Variants in ERC2 observed in about 807,000 individuals in gnomAD.
ERC2 encodes ELKS/RAB6-interacting/CAST family member 2.
In ERC2, 42 loss-of-function variants were observed where a neutral mutation model predicts 114.8. That is an observed-to-expected ratio of 0.37 (90% CI 0.29 to 0.47). The LOEUF (loss-of-function observed/expected upper bound fraction) is 0.47. ERC2 is among the 20% of genes least tolerant of loss of function. The pLI, the probability that ERC2 is intolerant of heterozygous loss-of-function variation, is 0.99. For missense variants in ERC2, 939 were observed against 1,150.7 expected (o/e 0.82, Z 2.66); for synonymous variants, 454 against 425.5 (o/e 1.07, Z -0.82).
chr3:55,522,057 T>G (rs1323000698), intron 17 of ERC2, among the ~76,000 whole-genome samples: 2 of 152,258 alleles, frequency 1.3e-5, no homozygotes, highest in East Asian at 3.8e-4. Context: ...ACTATTTATT[T>G]CTTGGCAGAT....
chr3:55,903,346 A>C (rs764134415), intron 13 of ERC2, among the ~76,000 whole-genome samples: 10 of 152,252 alleles, frequency 6.6e-5, no homozygotes, highest in Non-Finnish European at 1.0e-4. Flanking sequence ...CATCAAATGT[A>C]ACTCTGGTAT....
chr3:55,915,898 G>A (rs1040852011), intron 13 of ERC2, among the ~76,000 whole-genome samples: 1 of 152,140 alleles, frequency 6.6e-6, no homozygotes, highest in African/African-American at 2.4e-5. Context: ...AAATTTATTT[G>A]AATCTTTAAA....
intron 14 of ERC2, among the ~76,000 whole-genome samples, chr3:55,845,340 T>C (rs937281539): frequency 5.9e-5 from 9 of 151,804 alleles, no homozygotes; most frequent in Non-Finnish European, 1.2e-4. Flanking sequence ...CCGTCTCTGC[T>C]AATAATACAA....
chr3:55,777,495 G>A (rs564906426), intron 14 of ERC2, among the ~76,000 whole-genome samples: 1 of 152,354 alleles, frequency 6.6e-6, no homozygotes, highest in African/African-American at 2.4e-5. Context: ...GGAGGGAAAA[G>A]GGAGGCTTTG....
At chr3:55,552,068 C>G (rs1001645724) in intron 17 of ERC2, among the ~76,000 whole-genome samples, 1 of 152,142 alleles carries the variant, frequency 6.6e-6, no homozygotes, top group Non-Finnish European at 1.5e-5. Context: ...CATAGAACCC[C>G]GCACCTCTAA....
chr3:56,242,257 G>A (rs1436858791), intron 3 of ERC2, among the ~76,000 whole-genome samples: 2 of 152,104 alleles, frequency 1.3e-5, no homozygotes, highest in Non-Finnish European at 2.9e-5. Flanking sequence ...ATAAGTGGGA[G>A]GTAAGCTATG....
intron 14 of ERC2, among the ~76,000 whole-genome samples, chr3:55,774,802 T>C (rs1016986674): frequency 1.3e-5 from 2 of 152,236 alleles, no homozygotes; most frequent in Non-Finnish European, 1.5e-5. Context: ...AGAAAGTCCT[T>C]CATCAAAATA....
chr3:56,071,290 G>A (rs760240638), intron 7 of ERC2, among the ~76,000 whole-genome samples: 8 of 152,206 alleles, frequency 5.3e-5, no homozygotes, highest in Non-Finnish European at 1.2e-4. Flanking sequence ...AGAAGGAAAG[G>A]AAAAGTGTAA....
intron 13 of ERC2, among the ~76,000 whole-genome samples, chr3:55,907,410 A>C (rs13080171): frequency 0.28 from 43,298 of 152,084 alleles, 6,403 homozygotes; most frequent in Admixed American, 0.35. Flanking sequence ...GGATTATGTG[A>C]GATTGCAGGA....
chr3:55,648,995 A>G (rs1230167372), intron 17 of ERC2, among the ~76,000 whole-genome samples: 3 of 152,152 alleles, frequency 2.0e-5, no homozygotes, highest in Non-Finnish European at 4.4e-5. Flanking sequence ...AGGGACATGA[A>G]TGAAGATTCC....
intron 2 of ERC2, among the ~76,000 whole-genome samples, chr3:56,431,553 A>G (rs1487414745): frequency 1.3e-5 from 2 of 152,200 alleles, no homozygotes; most frequent in African/African-American, 4.8e-5. Context: ...AATCTCAAAT[A>G]TGTTAATCCA....
chr3:56,022,438 T>C (rs1262720157), intron 7 of ERC2, among the ~76,000 whole-genome samples: 1 of 152,138 alleles, frequency 6.6e-6, no homozygotes, highest in Non-Finnish European at 1.5e-5. Flanking sequence ...GAACAATAAG[T>C]TTTTGCTTTT....
At chr3:55,616,412 C>T (rs984598300) in intron 17 of ERC2, among the ~76,000 whole-genome samples, 3 of 151,990 alleles carry the variant, frequency 2.0e-5, no homozygotes, top group African/African-American at 2.4e-5. Flanking sequence ...TATACAGATA[C>T]GTTTTTATAT....
chr3:55,545,549 G>A (rs1245283061), intron 17 of ERC2, among the ~76,000 whole-genome samples: 1 of 152,164 alleles, frequency 6.6e-6, no homozygotes, highest in Non-Finnish European at 1.5e-5. Context: ...AGTAACTGAG[G>A]AACAATTTAT....
intron 2 of ERC2, among the ~76,000 whole-genome samples, chr3:56,432,608 C>T (rs2061841493): frequency 1.3e-5 from 2 of 152,178 alleles, no homozygotes; most frequent in Non-Finnish European, 2.9e-5. Flanking sequence ...GTTTTCTACA[C>T]ATAGAATGAA....
intron 14 of ERC2, among the ~76,000 whole-genome samples, chr3:55,823,096 T>C (rs1298582278): frequency 6.6e-6 from 1 of 152,198 alleles, no homozygotes; most frequent in Non-Finnish European, 1.5e-5. Flanking sequence ...TTTGGCCTCT[T>C]TGTGCTGAGT....
intron 3 of ERC2, among the ~76,000 whole-genome samples, chr3:56,182,685 C>G (rs749122294): frequency 6.6e-6 from 1 of 152,154 alleles, no homozygotes; most frequent in African/African-American, 2.4e-5. Context: ...CCCAGGCAGT[C>G]TGACTCCAGA....
rs1442762103 is a variant in ERC2, at chr3:55,662,040, CT to C, written c.*39+21753del. Among the ~76,000 whole-genome samples the C allele has an allele frequency of 1.3e-5, 2 of 152,164 alleles. 1 individual carries two copies. The highest frequency in any genetic ancestry group is 4.8e-5 in the African/African-American group (2 of 41,422). ...ATGAAGCTGAACTCCAGATTTCAAA[CT>C]GTCAGCCAGCAGGGTCTGAACAGGG... On this transcript the variant is annotated intron_variant, in intron 17 of 17. Transcript: ENST00000288221.
chr3:55,801,049 C>A (rs2071008478), intron 14 of ERC2, among the ~76,000 whole-genome samples: 1 of 152,178 alleles, frequency 6.6e-6, no homozygotes, highest in African/African-American at 2.4e-5. Flanking sequence ...CTTGAACAAC[C>A]CATAACATTC....
Sources: gnomAD v4.1 joint callset for allele counts (sites outside exome capture counted in the v4.1 genomes callset) on GRCh38, gnomAD v4.1.1 for gene constraint, MANE v1.5 for transcripts, NCBI Gene and HGNC (gene_info 2026-07-23, HGNC 2026-07-21) for gene names.